Variants in CDH18 observed in about 807,000 individuals in gnomAD.
CDH18 encodes the protein cadherin 18, also known as cadherin-18.
CDH18 carries 31 observed loss-of-function variants against 67.9 expected under a neutral mutation model. That is an observed-to-expected ratio of 0.46 (90% CI 0.34 to 0.62). The LOEUF is 0.62. CDH18 is among the 20% of genes least tolerant of loss of function. The pLI, the probability that CDH18 is intolerant of heterozygous loss-of-function variation, is 0.01. For missense variants in CDH18, 890 were observed against 975.5 expected (o/e 0.91, Z 1.17); for synonymous variants, 362 against 347.2 (o/e 1.04, Z -0.48).
At chr5:20,503,229 G>T (rs1249585248) in intron 1 of CDH18, among the ~76,000 whole-genome samples, 1 of 132,306 alleles carries the variant, frequency 7.6e-6, no homozygotes. Context: ...TAATAACTTA[G>T]CTTTTTATTT....
upstream of CDH18, among the ~76,000 whole-genome samples, chr5:19,992,219 G>T (rs1800026031): frequency 6.6e-6 from 1 of 151,940 alleles, no homozygotes; most frequent in Non-Finnish European, 1.5e-5. Flanking sequence ...TAATATCAAA[G>T]AACCAATGAG....
intron 3 of CDH18, among the ~76,000 whole-genome samples, chr5:19,765,881 A>ATTTTTTTT (rs59404348): frequency 6.7e-6 from 1 of 148,782 alleles, no homozygotes; most frequent in Non-Finnish European, 1.5e-5. Context: ...TTCAAAAAAC[A>ATTTTTTTT]TTTTTTTTTT....
At chr5:19,615,174 G>A (rs1378423139) in intron 5 of CDH18, among the ~76,000 whole-genome samples, 1 of 150,998 alleles carries the variant, frequency 6.6e-6, no homozygotes. Context: ...AAATCATAAC[G>A]CTCTCTTCAG....
chr5:19,942,993 G>C (rs567116040), intron 2 of CDH18, among the ~76,000 whole-genome samples: 1 of 152,046 alleles, frequency 6.6e-6, no homozygotes, highest in Non-Finnish European at 1.5e-5. Context: ...GGTGACCCTC[G>C]TGCCTCATGA....
At chr5:20,380,023 A>G (rs1186160008) in intron 1 of CDH18, among the ~76,000 whole-genome samples, 1 of 152,180 alleles carries the variant, frequency 6.6e-6, no homozygotes, top group Non-Finnish European at 1.5e-5. Context: ...TCGTTCAGAA[A>G]AAGATGGACT....
At chr5:19,604,412 T>A (rs971215083) in intron 6 of CDH18, among the ~76,000 whole-genome samples, 42 of 152,152 alleles carry the variant, frequency 2.8e-4, no homozygotes, top group African/African-American at 9.9e-4. Context: ...AACTATGATG[T>A]CTGACTTACA....
chr5:20,172,745 C>T (rs1465789050), intron 2 of CDH18, among the ~76,000 whole-genome samples: 1 of 152,058 alleles, frequency 6.6e-6, no homozygotes, highest in Non-Finnish European at 1.5e-5. Context: ...AATCCCAGCA[C>T]TTTGGGAGGC....
At chr5:20,546,134 A>G (rs1446903345) in intron 1 of CDH18, among the ~76,000 whole-genome samples, 2 of 152,122 alleles carry the variant, frequency 1.3e-5, no homozygotes, top group East Asian at 1.9e-4. Context: ...CTGGTTCCCA[A>G]TAAGGTCCTA....
chr5:20,543,434 G>T (rs1445931798), intron 1 of CDH18, among the ~76,000 whole-genome samples: 1 of 151,882 alleles, frequency 6.6e-6, no homozygotes, highest in Admixed American at 6.6e-5. Flanking sequence ...AGTTATTTTA[G>T]CATACATACT....
chr5:20,281,821 G>A (rs1035581224), intron 1 of CDH18, among the ~76,000 whole-genome samples: 10 of 152,044 alleles, frequency 6.6e-5, no homozygotes, highest in East Asian at 1.9e-4. Flanking sequence ...CCATTTTCAC[G>A]ATATTGATTC....
chr5:19,689,108 A>G (rs1231114190), intron 5 of CDH18, among the ~76,000 whole-genome samples: 2 of 152,102 alleles, frequency 1.3e-5, no homozygotes, highest in African/African-American at 4.8e-5. Flanking sequence ...TAGAAAACCT[A>G]TATAACAAAA....
Position 19,838,945 on chromosome 5 carries a change from C to G in CDH18, c.42G>C (p.Val14=). Residue 14 remains valine (V), a synonymous_variant, in exon 3 of 13, where the codon GTG becomes GTC. Transcript: ENST00000382275. ...TSTSCICPVL[V]CLCFVQRCYG... ...AACACCTCTGCACAAAACAGAGACA[C>G]ACTAGGACTGGACAGATGCAAGATG... 6.2e-7 allele frequency: 1 copy of G among 1,614,068 alleles called. No homozygotes were observed. The highest frequency in any genetic ancestry group is 8.5e-7 in the Non-Finnish European group (1 of 1,179,928).
chr5:19,776,034 A>C (rs965620897), intron 3 of CDH18, among the ~76,000 whole-genome samples: 3 of 152,264 alleles, frequency 2.0e-5, no homozygotes, highest in Admixed American at 2.0e-4. Flanking sequence ...ACTGTACACA[A>C]AATTATCAGA....
rs139321703 is a variant in CDH18, at chr5:19,798,748, C to T, written c.228+40011G>A. Among the ~76,000 whole-genome samples, 701 of 151,866 alleles carry T rather than the reference C, an allele frequency of 4.6e-3. 6 individuals are homozygous for T. The highest frequency in any genetic ancestry group is 0.016 in the African/African-American group (666 of 41,440). ...GTTTTAAAGCTTAGTGTTTTTATTC[C>T]GCTAATTATTTAATTCAAATATTGA... On this transcript the variant is annotated intron_variant, in intron 3 of 12. Coordinates refer to ENST00000382275, the MANE Select transcript of CDH18 (RefSeq NM_004934.5).
chr5:19,791,708 G>A (rs1457222987), intron 3 of CDH18, among the ~76,000 whole-genome samples: 1 of 152,080 alleles, frequency 6.6e-6, no homozygotes, highest in African/African-American at 2.4e-5. Context: ...ACAGAATTTG[G>A]AAAGTAATTA....
At chr5:20,515,703 T>C (rs1049107168) in intron 1 of CDH18, among the ~76,000 whole-genome samples, 3 of 151,078 alleles carry the variant, frequency 2.0e-5, no homozygotes, top group Admixed American at 6.6e-5. Flanking sequence ...TCACATTTCC[T>C]TTGGAGAACA....
rs74900969 is a variant in CDH18 at position 19,985,791 on chromosome 5, T to C, written c.-376+2295A>G. ...CCATATACATGCTTTGTCTTTAATG[T>C]CTCAATCTCTCTCATTCTTCACTAG... On this transcript the variant is annotated intron_variant, in intron 1 of 12. Transcript: ENST00000382275. Among the ~76,000 whole-genome samples the C allele has an allele frequency of 4.3e-3, 648 of 152,274 alleles. 4 individuals carry two copies. Among genetic ancestry groups the C allele is most frequent in the African/African-American group, 0.015 (612 of 41,570 alleles).
chr5:19,568,775 G>A (rs1402552981), intron 8 of CDH18, among the ~76,000 whole-genome samples: 1 of 152,154 alleles, frequency 6.6e-6, no homozygotes, highest in Non-Finnish European at 1.5e-5. Context: ...CTAGAACTGT[G>A]AGAAATAAAT....
At chr5:20,138,551 T>TA (rs1749948739) in intron 2 of CDH18, among the ~76,000 whole-genome samples, 1 of 152,168 alleles carries the variant, frequency 6.6e-6, no homozygotes, top group Non-Finnish European at 1.5e-5. Context: ...GACATGATTA[T>TA]ATTTAGAAAA....
Sources: allele counts gnomAD v4.1 joint callset (sites outside exome capture counted in the v4.1 genomes callset), GRCh38; gene constraint gnomAD v4.1.1; transcripts MANE v1.5; gene names NCBI Gene and HGNC (gene_info 2026-07-23, HGNC 2026-07-21).